ATP13A1: variants seen among roughly 807,000 people sequenced by gnomAD.
The protein encoded by ATP13A1 is ATPase 13A1.
ATP13A1 carries 55 observed loss-of-function variants against 134.8 expected under a neutral mutation model. That is an observed-to-expected ratio of 0.41 (90% CI 0.33 to 0.51). The LOEUF is 0.51. Ranked by LOEUF, ATP13A1 falls within the 20% of genes least tolerant of loss-of-function variation. The pLI, the probability that ATP13A1 is intolerant of heterozygous loss-of-function variation, is 0.29. For synonymous variants in ATP13A1, 775 were observed against 725.1 expected (o/e 1.07, Z -1.10); for missense variants, 1,389 against 1,652.8 (o/e 0.84, Z 2.77).
Position 19,655,438 on chromosome 19 carries a change from C to G in ATP13A1, c.1412G>C (p.Ser471Thr). 6.2e-7 allele frequency: 1 copy of G among 1,614,002 alleles called. No homozygotes were observed. Among genetic ancestry groups the G allele is most frequent in the East Asian group, 2.2e-5 (1 of 44,888 alleles). ...YVWIEGTKDP[S>T]RNRYKLFLEC... ...CAGAAACAGCTTGTAGCGGTTCCGG[C>G]TGGGGTCCTTGGTACCTGTGGAGAC... is the stretch of plus-strand genomic sequence containing the variant. Residue 471 changes from serine to threonine, a missense_variant, in exon 11 of 26, where the codon AGC becomes ACC. By Grantham distance (58) the Ser-to-Thr change is moderately conservative (BLOSUM62 1). Coordinates refer to ENST00000357324, the MANE Select transcript of ATP13A1 (RefSeq NM_020410.3). The surrounding 1 kb of genome is among the most constrained non-coding windows in gnomAD (Gnocchi z 5.7).
In ATP13A1 at chr19:19,645,865, A is replaced by G. The variant is rs746046421; in HGVS notation, c.3360+9T>C. The stretch of plus-strand genomic sequence containing the variant: ...GACAGTGAATGTTTGGGCAGGGCCC[A>G]GGCCTTACTTTGTAATTGATGGCGA... On this transcript the variant is annotated intron_variant, in intron 24 of 25. Transcript: ENST00000357324. This position sits in a 1 kb window ranked among gnomAD's most constrained non-coding sequence, Gnocchi z 4.1. 6.2e-7 allele frequency: 1 copy of G among 1,613,596 alleles called. No homozygotes were observed. The highest frequency in any genetic ancestry group is 8.5e-7 in the Non-Finnish European group (1 of 1,179,748).
intron 3 of ATP13A1, 81 bp downstream of exon 3, chr19:19,659,520 T>C (rs10403579): frequency 0.15 from 156,096 of 1,060,622 alleles, 12,904 homozygotes; most frequent in Middle Eastern, 0.27. Context: ...CAGATGCCTC[T>C]GTCCCGCTTC....
Position 19,663,268 on chromosome 19 carries a change from T to C in ATP13A1, c.396+3A>G. 6.3e-7 allele frequency: 1 copy of C among 1,576,334 alleles called. No individual in the cohort carries two copies. The highest frequency in any genetic ancestry group is 8.6e-7 in the Non-Finnish European group (1 of 1,162,638). ...GGGGTCGGGCTCGCGTGTACACACTTACCGGGGTGCAGGTGAGCGCGCAAT... is the reference window on the plus strand; with the variant it reads ...GGGGTCGGGCTCGCGTGTACACACTCACCGGGGTGCAGGTGAGCGCGCAAT... On this transcript the variant is annotated splice_donor_region_variant and intron_variant, in intron 1 of 25. Transcript: ENST00000357324.
At chr19:19,646,562 T>C (rs1239880917) in intron 22 of ATP13A1, 5 of 604,192 alleles carry the variant, frequency 8.3e-6, no homozygotes, top group African/African-American at 3.7e-5. Context: ...GGCTCCGCCA[T>C]CCAGGCTCCC....
chr19:19,652,140 G>A (rs2062028335), intron 16 of ATP13A1, among the ~76,000 whole-genome samples: 1 of 152,024 alleles, frequency 6.6e-6, no homozygotes, highest in Admixed American at 6.6e-5. Context: ...GGCTTGGTGG[G>A]GACTAATCAC....
At position 19,659,668 on chromosome 19, in the gene ATP13A1, G is replaced by C. The variant is rs1290891453; in HGVS notation, c.610C>G (p.Gln204Glu). ...FPVGNAFSYY[Q>E]SNRGFQEDSE... is the part of the protein sequence containing the mutation. ...TCTTCCTGGAAGCCTCTGTTGCTCT[G>C]ATAGTATGAGAAGGCGTTTCCCACA... Residue 204 changes from glutamine (Q) to glutamate (E), a missense_variant, in exon 3 of 26, where the codon CAG becomes GAG. Around this residue, in one of 4 missense-constraint regions of ATP13A1, gnomAD observed 747 missense variants for 956.1 expected, o/e 0.78. Transcript: ENST00000357324. 6.2e-7 allele frequency: 1 copy of C among 1,613,924 alleles called. No individual in the cohort carries two copies. Among genetic ancestry groups the C allele is most frequent in the Non-Finnish European group, 8.5e-7 (1 of 1,179,892 alleles).
chr19:19,649,979 T>A (rs767206838), intron 17 of ATP13A1, 39 bp from the exon 18 acceptor site: 1 of 1,530,828 alleles, frequency 6.5e-7, no homozygotes, highest in South Asian at 1.2e-5. Flanking sequence ...GGGGCTTGGC[T>A]GACCGGGCTC....
chr19:19,663,158 G>T, intron 1 of ATP13A1, 113 bp downstream of exon 1: 2 of 1,463,026 alleles, frequency 1.4e-6, no homozygotes, highest in Non-Finnish European at 1.9e-6. Flanking sequence ...TGGGAATCCA[G>T]GCCAGGCAGA....
intron 1 of ATP13A1, chr19:19,662,168 G>A: frequency 6.4e-7 from 1 of 1,551,210 alleles, no homozygotes; most frequent in Non-Finnish European, 8.7e-7. Context: ...TCAAAAGGCA[G>A]CTGAAGTTTG....
chr19:19,649,902 C>G lies in ATP13A1; in HGVS notation c.2374G>C (p.Val792Leu). Reference sequence around the variant, plus strand: ...GGGGAGCCCCGGGCCAGGGGCAGCACGATGCTGCCGTCAATGGAGCGCCAC... The same window carrying G: ...GGGGAGCCCCGGGCCAGGGGCAGCAGGATGCTGCCGTCAATGGAGCGCCAC... ...CEWRSIDGSI[V>L]LPLARGSPKA... Residue 792 changes from valine to leucine, a missense_variant, in exon 18 of 26, where the codon GTG becomes CTG. By Grantham distance (32) the Val-to-Leu change is conservative. This residue lies in a region of ATP13A1 where 747 missense variants were observed against 956.1 expected (regional missense o/e 0.78). Transcript: ENST00000357324. 6.3e-7 allele frequency: 1 copy of G among 1,599,064 alleles called. No homozygotes were observed. The highest frequency in any genetic ancestry group is 1.3e-5 in the African/African-American group (1 of 74,974).
At position 19,658,989 on chromosome 19, in the gene ATP13A1, G is replaced by A. The variant is rs569263422; in HGVS notation, c.677+612C>T. 8.5e-5 allele frequency among the ~76,000 whole-genome samples: 13 copies of A among 152,284 alleles called. No individual in the cohort carries two copies. In the South Asian group the frequency reaches 2.1e-3, roughly 24 times the overall value. ...TAAAATAAAGCTGTTGCTGAGGAGG[G>A]GCCACAGGCTAGACTCCTGTGAAGA... is the stretch of plus-strand genomic sequence containing the variant. On this transcript the variant is annotated intron_variant, in intron 3 of 25. Coordinates refer to ENST00000357324, the MANE Select transcript of ATP13A1 (RefSeq NM_020410.3).
In ATP13A1 at chr19:19,653,437, C is replaced by T. The variant is rs866682278; in HGVS notation, c.2100+347G>A. The T allele has an allele frequency of 3.8e-5, 13 of 340,268 alleles. No individual in the cohort carries two copies. Among genetic ancestry groups the T allele is most frequent in the Non-Finnish European group, 6.5e-5 (12 of 183,412 alleles). The allele number at this position is 340,268 out of a possible 1,614,324, so 21.1% of individuals were successfully genotyped here. ...GGAAGAAGCCAAGCGGCAGATGTGC[C>T]GGTGGTGGAGGCGGAGGGTGGGCTT... On this transcript the variant is annotated intron_variant, in intron 15 of 25. Transcript: ENST00000357324. The surrounding 1 kb of genome is among the most constrained non-coding windows in gnomAD (Gnocchi z 4.2).
intron 3 of ATP13A1, among the ~76,000 whole-genome samples, 166 bp downstream of exon 3, chr19:19,659,435 G>A (rs1385168296): frequency 6.6e-6 from 1 of 152,016 alleles, no homozygotes; most frequent in Non-Finnish European, 1.5e-5. Flanking sequence ...CAGCCTGGGT[G>A]ACAGAGCGAG....
At chr19:19,662,147 T>G in intron 1 of ATP13A1, 1 of 1,555,768 alleles carries the variant, frequency 6.4e-7, no homozygotes, top group Non-Finnish European at 8.7e-7. Context: ...GCTAAGCTGC[T>G]TAGCTGCAGG....
At chr19:19,661,931 C>T (rs1050211218) in intron 1 of ATP13A1, 13 of 1,072,264 alleles carry the variant, frequency 1.2e-5, no homozygotes, top group African/African-American at 4.7e-5. Flanking sequence ...GGCCCCAGGG[C>T]GGGCACTCTG....
Position 19,647,832 on chromosome 19 carries a change from C to G in ATP13A1, c.2633-73G>C. 6.7e-7 allele frequency: 1 copy of G among 1,494,044 alleles called. No individual in the cohort carries two copies. The highest frequency in any genetic ancestry group is 2.1e-5 in the Admixed American group (1 of 48,464). 92.5% of individuals were successfully genotyped at this position (1,494,044 alleles called of 1,614,324 possible). Reference sequence around the variant, plus strand: ...GGGAAGATTGCTGGCTTCAGAGCCACTGGTCCTGAAGTCCCCCAGCTGGCT... The same window carrying G: ...GGGAAGATTGCTGGCTTCAGAGCCAGTGGTCCTGAAGTCCCCCAGCTGGCT... On this transcript the variant is annotated intron_variant, in intron 19 of 25. Transcript: ENST00000357324. The surrounding 1 kb of genome is among the most constrained non-coding windows in gnomAD (Gnocchi z 4.8).
At chr19:19,661,706 G>A (rs913141892) in intron 1 of ATP13A1, among the ~76,000 whole-genome samples, 1 of 152,188 alleles carries the variant, frequency 6.6e-6, no homozygotes, top group Non-Finnish European at 1.5e-5. Context: ...CCTGGACCCC[G>A]TGAACCGCCA....
In ATP13A1 at chr19:19,663,433, C is replaced by A. The variant is rs2062107416; in HGVS notation, c.234G>T (p.Trp78Cys). ...AGCAGCCAGCGGCTGCGGCACCCAA[C>A]CAGGCCGGGTAAAGCAGCCCGGCGA... ...LPFAGLLYPA[W>C]LGAAAAGCWG... is the part of the protein sequence containing the mutation. Residue 78 changes from tryptophan (W) to cysteine (C), a missense_variant, in exon 1 of 26, where the codon TGG becomes TGT. Transcript: ENST00000357324. 1.3e-6 allele frequency: 2 copies of A among 1,568,228 alleles called. No homozygotes were observed. The highest frequency in any genetic ancestry group is 1.7e-6 in the Non-Finnish European group (2 of 1,159,950).
intron 16 of ATP13A1, 50 bp from the exon 17 acceptor site, chr19:19,651,847 C>G: frequency 6.9e-7 from 1 of 1,444,760 alleles, no homozygotes; most frequent in East Asian, 2.3e-5. Flanking sequence ...GGGCCAAGCT[C>G]TAGGCCAGAG....
Sources: allele counts gnomAD v4.1 joint callset (sites outside exome capture counted in the v4.1 genomes callset), GRCh38; gene constraint gnomAD v4.1.1; regional missense constraint gnomAD v4.1.1; non-coding constraint Gnocchi (gnomAD v3.1); transcripts MANE v1.5; gene names NCBI Gene and HGNC (gene_info 2026-07-23, HGNC 2026-07-21).